Variants in ENTHD1 observed in about 807,000 individuals in gnomAD.
ENTHD1 encodes the protein ENTH domain containing 1.
Under a neutral mutation model 39.1 loss-of-function variants are expected in ENTHD1, and 23 were observed. That is an observed-to-expected ratio of 0.59 (90% CI 0.42 to 0.83). ENTHD1 has a LOEUF of 0.83. ENTHD1 is among the 40% of genes least tolerant of loss of function. The pLI, the probability that ENTHD1 is intolerant of heterozygous loss-of-function variation, is 0.00. For synonymous variants in ENTHD1, 230 were observed against 258.2 expected, an observed-to-expected ratio of 0.89 and a Z score of 1.05; for missense variants, 624 against 705.4, an observed-to-expected ratio of 0.88 and a Z score of 1.31.
chr22:39,852,652 A>G (rs2066052214), intron 3 of ENTHD1, among the ~76,000 whole-genome samples: 1 of 152,214 alleles, frequency 6.6e-6, no homozygotes, highest in South Asian at 2.1e-4. Flanking sequence ...ATAGCATATT[A>G]CTGTACTGAA....
chr22:39,877,917 A>T (rs2066304924), intron 2 of ENTHD1, among the ~76,000 whole-genome samples: 1 of 152,148 alleles, frequency 6.6e-6, no homozygotes, highest in South Asian at 2.1e-4. Flanking sequence ...AAATCATAAG[A>T]CATACTAAAA....
chr22:39,798,212 C>T (rs2065566565), intron 5 of ENTHD1, among the ~76,000 whole-genome samples: 1 of 151,744 alleles, frequency 6.6e-6, no homozygotes, highest in Middle Eastern at 3.2e-3. Context: ...CTTTCTTCTG[C>T]TTGTTCTAGT....
chr22:39,761,207 T>C (rs1439961508), intron 6 of ENTHD1, among the ~76,000 whole-genome samples: 1 of 152,154 alleles, frequency 6.6e-6, no homozygotes, highest in Non-Finnish European at 1.5e-5. Context: ...CTGCTAGATA[T>C]AGAATTCTGG....
chr22:39,771,814 G>A (rs1274054576), intron 5 of ENTHD1, among the ~76,000 whole-genome samples: 3 of 152,038 alleles, frequency 2.0e-5, no homozygotes, highest in East Asian at 3.8e-4. Context: ...TGAATTGCCC[G>A]TAAAACTTTA....
chr22:39,875,929 G>T, intron 2 of ENTHD1: 3 of 1,613,980 alleles, frequency 1.9e-6, no homozygotes, highest in Admixed American at 1.7e-5. Context: ...GGGTTATCCT[G>T]ATAGGTGTTT....
At chr22:39,784,647 A>AACG (rs921135995) in intron 5 of ENTHD1, among the ~76,000 whole-genome samples, 1 of 152,026 alleles carries the variant, frequency 6.6e-6, no homozygotes, top group Non-Finnish European at 1.5e-5. Context: ...ATGGAACCGT[A>AACG]GGTCATCATT....
In ENTHD1 at chr22:39,743,677, G is replaced by A; in HGVS notation, c.*2C>T. 2.5e-6 allele frequency: 4 copies of A among 1,594,608 alleles called. No individual in the cohort carries two copies. The highest frequency in any genetic ancestry group is 3.4e-6 in the Non-Finnish European group (4 of 1,170,720). On this transcript the variant is annotated 3_prime_UTR_variant, in exon 7 of 7. Coordinates refer to ENST00000325157, the MANE Select transcript of ENTHD1 (RefSeq NM_152512.4). Reference sequence around the variant, plus strand: ...TTCTATCAAAAATAGATATTGTGATGATTAGATCTGATCTGAGCTCCCCTC... The same window carrying A: ...TTCTATCAAAAATAGATATTGTGATAATTAGATCTGATCTGAGCTCCCCTC...
intron 5 of ENTHD1, among the ~76,000 whole-genome samples, chr22:39,801,230 A>C (rs2065595966): frequency 6.6e-6 from 1 of 152,264 alleles, no homozygotes; most frequent in Non-Finnish European, 1.5e-5. Flanking sequence ...AACACCTTTT[A>C]AATCTGTATT....
At chr22:39,834,180 G>A (rs1190977967) in intron 4 of ENTHD1, among the ~76,000 whole-genome samples, 1 of 152,000 alleles carries the variant, frequency 6.6e-6, no homozygotes, top group African/African-American at 2.4e-5. Flanking sequence ...GAAAGATATT[G>A]TTAAAAAGAA....
At chr22:39,771,206 C>A (rs1044049133) in intron 5 of ENTHD1, among the ~76,000 whole-genome samples, 1 of 151,956 alleles carries the variant, frequency 6.6e-6, no homozygotes. Context: ...CTGTAGATAA[C>A]AGCCAGAAAA....
At chr22:39,872,685 A>AGG (rs758130213) in intron 2 of ENTHD1, among the ~76,000 whole-genome samples, 11 of 152,176 alleles carry the variant, frequency 7.2e-5, no homozygotes, top group African/African-American at 1.2e-4. Flanking sequence ...TGAGTGTTGG[A>AGG]GGATACAATG....
intron 3 of ENTHD1, among the ~76,000 whole-genome samples, 174 bp from the exon 4 acceptor site, chr22:39,836,132 A>G (rs2065906550): frequency 6.6e-6 from 1 of 152,186 alleles, no homozygotes; most frequent in South Asian, 2.1e-4. Context: ...GTCTCTTTGT[A>G]ATAAGTGAGA....
At chr22:39,806,539 A>T (rs1037720878) in intron 5 of ENTHD1, among the ~76,000 whole-genome samples, 1 of 152,236 alleles carries the variant, frequency 6.6e-6, no homozygotes, top group Non-Finnish European at 1.5e-5. Context: ...GGCATTTCCA[A>T]TGATACTTAT....
intron 1 of ENTHD1, among the ~76,000 whole-genome samples, chr22:39,891,475 C>CTTTT: frequency 7.0e-6 from 1 of 142,684 alleles, no homozygotes; most frequent in African/African-American, 2.6e-5. Flanking sequence ...ATTATAATCA[C>CTTTT]TTTTTTTTTT....
intron 3 of ENTHD1, among the ~76,000 whole-genome samples, chr22:39,840,555 G>A (rs1266865859): frequency 2.6e-5 from 4 of 152,130 alleles, no homozygotes; most frequent in Admixed American, 6.5e-5. Context: ...TGTAATGTAA[G>A]TGAATTAAAT....
chr22:39,767,665 C>T (rs2065287643), intron 5 of ENTHD1, among the ~76,000 whole-genome samples: 2 of 152,078 alleles, frequency 1.3e-5, no homozygotes, highest in African/African-American at 4.8e-5. Flanking sequence ...ATGTTTTGCT[C>T]TATATGTAAT....
intron 6 of ENTHD1, among the ~76,000 whole-genome samples, chr22:39,746,735 T>C (rs1318892422): frequency 6.6e-6 from 1 of 152,204 alleles, no homozygotes; most frequent in East Asian, 1.9e-4. Flanking sequence ...ACCAGGGTGC[T>C]GGGAGGCCAG....
chr22:39,869,435 A>G (rs1205062918), intron 2 of ENTHD1, among the ~76,000 whole-genome samples: 3 of 152,154 alleles, frequency 2.0e-5, no homozygotes, highest in Non-Finnish European at 4.4e-5. Flanking sequence ...ACCCATAGAC[A>G]TAAAGATGGC....
At position 39,743,488 on chromosome 22, in the gene ENTHD1, C is replaced by T; in HGVS notation, c.*191G>A. On this transcript the variant is annotated 3_prime_UTR_variant, in exon 7 of 7. Transcript: ENST00000325157. ...CTAAATCTGAAATTATCAAAGGTGA[C>T]ATCTTTCCCTTTTAAAAAATAAACC... is the stretch of plus-strand genomic sequence containing the variant. 2 of 569,932 alleles carry T rather than the reference C, an allele frequency of 3.5e-6. No homozygotes were observed. The highest frequency in any genetic ancestry group is 6.7e-5 in the South Asian group (2 of 29,814). The allele number at this position is 569,932 out of a possible 1,614,324, so 35.3% of individuals were successfully genotyped here.
Sources: allele counts gnomAD v4.1 joint callset (sites outside exome capture counted in the v4.1 genomes callset), GRCh38; gene constraint gnomAD v4.1.1; transcripts MANE v1.5; gene names NCBI Gene and HGNC (gene_info 2026-07-23, HGNC 2026-07-21).